Variants in ZFHX3 observed in about 807,000 individuals in gnomAD.
ZFHX3 encodes the protein zinc finger homeobox protein 3.
In ZFHX3, 42 loss-of-function variants were observed where a neutral mutation model predicts 279.1. The ratio of observed to expected loss-of-function variants is 0.15; its 90% CI spans 0.12 to 0.19. The LOEUF is 0.19. Among genes scored for constraint, ZFHX3 ranks in the 10% least tolerant of loss-of-function variants. ZFHX3 has a pLI of 1.00. For synonymous variants in ZFHX3, 2,293 were observed against 1,957.8 expected, an observed-to-expected ratio of 1.17 and a Z score of -4.52; for missense variants, 4,981 against 4,754.0, an observed-to-expected ratio of 1.05 and a Z score of -1.40.
intron 2 of ZFHX3, among the ~76,000 whole-genome samples, chr16:73,635,034 G>A (rs1002423185): frequency 4.6e-5 from 7 of 151,992 alleles, no homozygotes; most frequent in East Asian, 1.9e-4. Flanking sequence ...ACAATGTGTC[G>A]AGTCATTTAT....
At chr16:73,675,413 TATCTTAC>T (rs2052944569) in intron 2 of ZFHX3, among the ~76,000 whole-genome samples, 1 of 152,140 alleles carries the variant, frequency 6.6e-6, no homozygotes, top group African/African-American at 2.4e-5. Context: ...ACATGGGGTT[TATCTTAC>T]ATTCATTCAT....
At chr16:73,837,793 C>T (rs911827206) in intron 1 of ZFHX3, among the ~76,000 whole-genome samples, 4 of 152,180 alleles carry the variant, frequency 2.6e-5, no homozygotes, top group Admixed American at 1.3e-4. Flanking sequence ...TGCGCCACCA[C>T]GCCCGGCTAA....
At chr16:73,744,910 A>G (rs774396171) in intron 1 of ZFHX3, among the ~76,000 whole-genome samples, 8 of 152,188 alleles carry the variant, frequency 5.3e-5, no homozygotes, top group Non-Finnish European at 1.2e-4. Context: ...AAATCTTGCA[A>G]TTAGCCCACA....
intron 4 of ZFHX3, among the ~76,000 whole-genome samples, chr16:72,839,647 G>C (rs1597296274): frequency 6.6e-6 from 1 of 151,920 alleles, no homozygotes; most frequent in Admixed American, 6.6e-5. Flanking sequence ...CCAAAAAAAA[G>C]CTGGAGTTGA....
intron 7 of ZFHX3, chr16:72,809,421 G>C (rs1442189861): frequency 1.3e-5 from 2 of 152,186 alleles, no homozygotes; most frequent in Non-Finnish European, 2.9e-5. Context: ...AGAAAGCTGA[G>C]GAAACCAGTA....
At chr16:73,037,584 G>A (rs150443665) in intron 1 of ZFHX3, among the ~76,000 whole-genome samples, 14 of 152,196 alleles carry the variant, frequency 9.2e-5, no homozygotes, top group African/African-American at 3.1e-4. Context: ...CCTCCTCCCC[G>A]GCTCACAGCT....
chr16:72,935,256 G>C (rs1960055247), intron 3 of ZFHX3, among the ~76,000 whole-genome samples: 1 of 152,136 alleles, frequency 6.6e-6, no homozygotes, highest in African/African-American at 2.4e-5. Flanking sequence ...TCTCTCACTG[G>C]GAATATGTTC....
chr16:73,162,432 A>G (rs1308796812), intron 5 of ZFHX3, among the ~76,000 whole-genome samples: 1 of 152,212 alleles, frequency 6.6e-6, no homozygotes, highest in Non-Finnish European at 1.5e-5. Flanking sequence ...CTGATTCTAC[A>G]TGATGGTGAG....
intron 5 of ZFHX3, among the ~76,000 whole-genome samples, chr16:72,823,922 T>A (rs2036865348): frequency 6.6e-6 from 1 of 152,194 alleles, no homozygotes; most frequent in African/African-American, 2.4e-5. Flanking sequence ...ACATACCTTC[T>A]TTTGTCCTTA....
In ZFHX3 at chr16:73,338,120, G is replaced by A. The variant is rs554243430; in HGVS notation, c.-1290-19784C>T. Among the ~76,000 whole-genome samples, 35 of 152,232 alleles carry A rather than the reference G, an allele frequency of 2.3e-4. No homozygotes were observed. In the South Asian group the frequency reaches 6.4e-3, roughly 28 times the overall value. The stretch of plus-strand genomic sequence containing the variant: ...AATTTGTTTCCTAATCTGCAGATGA[G>A]CATCAGAACGTGCTGAAGAAAACCG... On this transcript the variant is annotated intron_variant, in intron 3 of 17. Coordinates refer to the ZFHX3 transcript ENST00000641206.
At chr16:73,797,815 T>C (rs1960038395) in intron 1 of ZFHX3, among the ~76,000 whole-genome samples, 1 of 145,394 alleles carries the variant, frequency 6.9e-6, no homozygotes, top group African/African-American at 2.6e-5. Context: ...GACTTTTTTT[T>C]TTTTTTTTTT....
At chr16:73,052,497 G>A (rs928260674), upstream of ZFHX3, among the ~76,000 whole-genome samples, 5 of 151,912 alleles carry the variant, frequency 3.3e-5, no homozygotes, top group Non-Finnish European at 7.4e-5. Flanking sequence ...TTCATTTTAG[G>A]GCATTTGGGT....
At chr16:73,747,312 A>T (rs983395002) in intron 1 of ZFHX3, among the ~76,000 whole-genome samples, 2 of 152,174 alleles carry the variant, frequency 1.3e-5, no homozygotes, top group African/African-American at 4.8e-5. Flanking sequence ...TGAGCCTGGG[A>T]GGTTGAAGCT....
intron 1 of ZFHX3, among the ~76,000 whole-genome samples, chr16:72,960,422 G>C (rs945560305): frequency 6.6e-6 from 1 of 152,156 alleles, no homozygotes; most frequent in Non-Finnish European, 1.5e-5. Flanking sequence ...GGGATATGGG[G>C]AAAGAAGGCC....
At chr16:73,022,021 C>T (rs534802926) in intron 1 of ZFHX3, among the ~76,000 whole-genome samples, 18 of 152,058 alleles carry the variant, frequency 1.2e-4, no homozygotes, top group Admixed American at 2.0e-4. Flanking sequence ...CTGTGTCCAC[C>T]GAACCTGCCA....
chr16:73,580,435 G>A (rs1443047817), intron 2 of ZFHX3, among the ~76,000 whole-genome samples: 1 of 151,566 alleles, frequency 6.6e-6, no homozygotes, highest in Non-Finnish European at 1.5e-5. Flanking sequence ...CCAAGATCGT[G>A]CCACTGCACT....
chr16:72,808,473 A>G (rs902696636), intron 7 of ZFHX3, among the ~76,000 whole-genome samples: 5 of 152,216 alleles, frequency 3.3e-5, no homozygotes, highest in African/African-American at 1.2e-4. Flanking sequence ...GAGAAAACTC[A>G]TCCTTGCATA....
At chr16:73,647,692 G>C (rs960631132) in intron 2 of ZFHX3, among the ~76,000 whole-genome samples, 2 of 151,746 alleles carry the variant, frequency 1.3e-5, no homozygotes, top group African/African-American at 2.4e-5. Flanking sequence ...AGTTTAGAAA[G>C]AGATTAAAGA....
chr16:73,318,910 T>G (rs1007399878), intron 3 of ZFHX3, among the ~76,000 whole-genome samples: 8 of 152,178 alleles, frequency 5.3e-5, no homozygotes, highest in Non-Finnish European at 8.8e-5. Context: ...TTGAAGCTTG[T>G]TTGCTGTAAT....
Sources: gnomAD v4.1 joint callset for allele counts (sites outside exome capture counted in the v4.1 genomes callset) on GRCh38, gnomAD v4.1.1 for gene constraint, MANE v1.5 for transcripts, NCBI Gene and HGNC (gene_info 2026-07-23, HGNC 2026-07-21) for gene names.